Variants in SBF2 observed in about 807,000 individuals in gnomAD.
SBF2 encodes the protein SET binding factor 2, also known as myotubularin-related protein 13.
SBF2 carries 112 observed loss-of-function variants against 225.2 expected under a neutral mutation model. The observed-to-expected ratio is 0.50, with a 90% CI of 0.43 to 0.58. The LOEUF (loss-of-function observed/expected upper bound fraction) is 0.58. SBF2 is among the 20% of genes least tolerant of loss of function. The probability of loss-of-function intolerance (pLI) is 0.00; values close to 1 mark genes in which losing one functional copy is unlikely to be tolerated. For missense variants in SBF2, 1,996 were observed against 2,206.2 expected (o/e 0.90, Z 1.91); for synonymous variants, 763 against 773.3 (o/e 0.99, Z 0.22).
chr11:10,197,924 T>G (rs1038266287), intron 1 of SBF2, among the ~76,000 whole-genome samples: 1 of 152,224 alleles, frequency 6.6e-6, no homozygotes, highest in African/African-American at 2.4e-5. Context: ...AGTCACATCT[T>G]CAGGCTCCAC....
chr11:10,019,360 G>A (rs1265184279), intron 6 of SBF2, among the ~76,000 whole-genome samples: 1 of 152,194 alleles, frequency 6.6e-6, no homozygotes, highest in African/African-American at 2.4e-5. Context: ...GTGCCCCAGA[G>A]TGGGCTAGCA....
At chr11:10,239,627 G>A (rs1959181229) in intron 1 of SBF2, among the ~76,000 whole-genome samples, 1 of 149,996 alleles carries the variant, frequency 6.7e-6, no homozygotes, top group South Asian at 2.2e-4. Context: ...AGGTAAATAG[G>A]GGAATTATAC....
At chr11:9,845,027 TC>T (rs1856439656) in intron 24 of SBF2, among the ~76,000 whole-genome samples, 1 of 151,940 alleles carries the variant, frequency 6.6e-6, no homozygotes, top group Admixed American at 6.6e-5. Flanking sequence ...CTCAAATGGC[TC>T]AAAAAAAATA....
chr11:10,236,203 T>A (rs1219307235), intron 1 of SBF2, among the ~76,000 whole-genome samples: 8 of 152,134 alleles, frequency 5.3e-5, no homozygotes, highest in African/African-American at 1.9e-4. Flanking sequence ...TGTAATCCCA[T>A]CAAATTGGGA....
chr11:9,995,611 T>C (rs1947656060), intron 9 of SBF2, among the ~76,000 whole-genome samples: 1 of 152,134 alleles, frequency 6.6e-6, no homozygotes, highest in African/African-American at 2.4e-5. Flanking sequence ...TTGGTCTAGT[T>C]TGACAATACA....
chr11:10,174,944 T>C (rs886988423), intron 2 of SBF2, among the ~76,000 whole-genome samples: 9 of 151,404 alleles, frequency 5.9e-5, no homozygotes, highest in Admixed American at 2.0e-4. Flanking sequence ...TAAAATACTT[T>C]ACAGACAAGC....
At chr11:10,296,598 A>G (rs1331571264), upstream of SBF2, among the ~76,000 whole-genome samples, 7 of 152,166 alleles carry the variant, frequency 4.6e-5, no homozygotes, top group Admixed American at 4.6e-4. Flanking sequence ...AAACCATATC[A>G]TATGTATATA....
At chr11:9,925,311 G>C (rs1863945818) in intron 16 of SBF2, among the ~76,000 whole-genome samples, 1 of 151,602 alleles carries the variant, frequency 6.6e-6, no homozygotes, top group African/African-American at 2.4e-5. Flanking sequence ...TTTTTAGATG[G>C]AGTTTTGCTC....
At chr11:10,071,449 A>C (rs1950873814) in intron 2 of SBF2, among the ~76,000 whole-genome samples, 1 of 151,650 alleles carries the variant, frequency 6.6e-6, no homozygotes, top group South Asian at 2.1e-4. Flanking sequence ...TGTATTTTTC[A>C]TAGAGATGGG....
intron 39 of SBF2, chr11:9,780,851 G>A (rs1372469021): frequency 2.8e-6 from 1 of 351,670 alleles, no homozygotes; most frequent in Non-Finnish European, 5.5e-6. Flanking sequence ...ATGCACTGAA[G>A]GTGAGGGAGC....
rs1590558961 is a variant in SBF2 at position 9,943,993 on chromosome 11, C to G, written c.1860+17964G>C. 2.0e-5 allele frequency among the ~76,000 whole-genome samples: 3 copies of G among 152,246 alleles called. No homozygotes were observed. The East Asian group carries it at 5.8e-4, about 29-fold the overall frequency. ...TTTCATTGCCAGGGCAATGAAATAT[C>G]CTTCAATAGCAGAATGGGCTTAAAC... is the stretch of plus-strand genomic sequence containing the variant. On this transcript the variant is annotated intron_variant, in intron 16 of 39. Coordinates refer to ENST00000256190, the MANE Select transcript of SBF2 (RefSeq NM_030962.4).
chr11:10,298,765 C>A (rs919767160), upstream of SBF2, among the ~76,000 whole-genome samples: 1 of 152,214 alleles, frequency 6.6e-6, no homozygotes. Context: ...ATTCATCACT[C>A]AGTCCTATTG....
intron 38 of SBF2, among the ~76,000 whole-genome samples, chr11:9,783,647 G>A (rs1236070948): frequency 2.0e-5 from 3 of 152,194 alleles, no homozygotes; most frequent in South Asian, 4.1e-4. Flanking sequence ...GCTAAGGATT[G>A]CAGAGGCTGC....
chr11:9,780,131 G>A lies in SBF2; in HGVS notation c.*287C>T, dbSNP rs2133838691. ...TAGGTGGTAGCCATTTTGCCTGGGT[G>A]AGGTTCACAGTTGGCTCAGGAGACA... is the stretch of plus-strand genomic sequence containing the variant. On this transcript the variant is annotated 3_prime_UTR_variant, in exon 40 of 40. Transcript: ENST00000256190. 2 of 421,710 alleles carry A rather than the reference G, an allele frequency of 4.7e-6. No individual in the cohort carries two copies. The highest frequency in any genetic ancestry group is 4.7e-5 in the South Asian group (2 of 42,948). The allele number at this position is 421,710 out of a possible 1,614,324, so 26.1% of individuals were successfully genotyped here.
Position 10,214,602 on chromosome 11 carries a change from G to A in SBF2, c.56-20615C>T, listed in dbSNP as rs752950625. Among the ~76,000 whole-genome samples the A allele has an allele frequency of 2.6e-5, 4 of 152,102 alleles. 1 individual carries two copies. The highest frequency in any genetic ancestry group is 4.1e-4 in the South Asian group (2 of 4,824). On this transcript the variant is annotated intron_variant, in intron 1 of 39. Transcript: ENST00000256190. ...GGCACCACTGCACTCCAGCCTGGGCGACAGAGAAAGACTCTGTCTAAAAAA... is the reference window on the plus strand; with the variant it reads ...GGCACCACTGCACTCCAGCCTGGGCAACAGAGAAAGACTCTGTCTAAAAAA...
chr11:10,076,379 GT>G (rs1457357268), intron 2 of SBF2, among the ~76,000 whole-genome samples: 2 of 152,248 alleles, frequency 1.3e-5, no homozygotes, highest in African/African-American at 2.4e-5. Flanking sequence ...GCAGACACTG[GT>G]TTGGAGAATC....
intron 2 of SBF2, among the ~76,000 whole-genome samples, chr11:10,170,944 C>T (rs762167345): frequency 5.9e-5 from 9 of 151,870 alleles, no homozygotes; most frequent in Non-Finnish European, 8.8e-5. Context: ...TCAGATAGTT[C>T]ACTGTTGGCA....
chr11:10,228,639 T>C (rs1438572693), intron 1 of SBF2, among the ~76,000 whole-genome samples: 2 of 152,254 alleles, frequency 1.3e-5, no homozygotes, highest in East Asian at 1.9e-4. Context: ...TTTTGGCATG[T>C]TGAACCAGCC....
chr11:9,865,686 C>A (rs147628706), intron 17 of SBF2, among the ~76,000 whole-genome samples: 1 of 20,322 alleles, frequency 4.9e-5, no homozygotes, highest in Non-Finnish European at 7.1e-5. Flanking sequence ...GCAAAACTGT[C>A]TCAAAAAAAA....
Sources: gnomAD v4.1 joint callset for allele counts (sites outside exome capture counted in the v4.1 genomes callset) on GRCh38, gnomAD v4.1.1 for gene constraint, MANE v1.5 for transcripts, NCBI Gene and HGNC (gene_info 2026-07-23, HGNC 2026-07-21) for gene names.